NMNAT3: variants seen among roughly 807,000 people sequenced by gnomAD.
NMNAT3 encodes the protein nicotinamide nucleotide adenylyltransferase 3.
A neutral mutation model predicts 24.8 loss-of-function variants in NMNAT3; 21 were observed. That is an observed-to-expected ratio of 0.85 (90% CI 0.60 to 1.22). The LOEUF (loss-of-function observed/expected upper bound fraction) is 1.22, where lower values mean the gene tolerates loss of function less well. Ranked by LOEUF, NMNAT3 falls within the 50% of genes most tolerant of loss-of-function variation. The probability of loss-of-function intolerance (pLI) is 0.00; values close to 1 mark genes in which losing one functional copy is unlikely to be tolerated. For synonymous variants in NMNAT3, 136 were observed against 155.2 expected, an observed-to-expected ratio of 0.88 and a Z score of 0.92; for missense variants, 387 against 436.6, an observed-to-expected ratio of 0.89 and a Z score of 1.01.
At chr3:139,588,760 G>A (rs1222071915) in intron 3 of NMNAT3, among the ~76,000 whole-genome samples, 1 of 152,166 alleles carries the variant, frequency 6.6e-6, no homozygotes, top group Non-Finnish European at 1.5e-5. Flanking sequence ...TCTACTTTCT[G>A]CCTGGGTTGG....
chr3:139,599,425 G>A (rs1270994849), intron 3 of NMNAT3: 9 of 702,188 alleles, frequency 1.3e-5, no homozygotes, highest in Admixed American at 8.0e-5. Flanking sequence ...GGTTGTGTTG[G>A]CTGAAGTGCA....
At chr3:139,648,605 T>C (rs910052275) in intron 1 of NMNAT3, among the ~76,000 whole-genome samples, 3 of 152,228 alleles carry the variant, frequency 2.0e-5, no homozygotes, top group Admixed American at 6.5e-5. Context: ...TGTGTAGGCA[T>C]GTACATGTGT....
chr3:139,628,083 A>G (rs1205360666), intron 2 of NMNAT3, among the ~76,000 whole-genome samples: 1 of 152,152 alleles, frequency 6.6e-6, no homozygotes, highest in African/African-American at 2.4e-5. Flanking sequence ...CTGAACCTCT[A>G]TATCCTCCTT....
intron 3 of NMNAT3, among the ~76,000 whole-genome samples, chr3:139,601,760 T>C (rs560668045): frequency 2.1e-4 from 32 of 152,260 alleles, no homozygotes; most frequent in African/African-American, 7.0e-4. Context: ...TAGTCACTGC[T>C]GGGCAGAAAC....
At chr3:139,634,056 A>G (rs899709387) in intron 2 of NMNAT3, among the ~76,000 whole-genome samples, 9 of 152,138 alleles carry the variant, frequency 5.9e-5, no homozygotes, top group Non-Finnish European at 1.3e-4. Context: ...GCCTGCTCAC[A>G]TCTCACTTGG....
intron 3 of NMNAT3, among the ~76,000 whole-genome samples, chr3:139,585,672 G>T (rs1553742410): frequency 6.6e-6 from 1 of 152,170 alleles, no homozygotes; most frequent in Non-Finnish European, 1.5e-5. Context: ...CCTGGCTTGA[G>T]TTTTTTTGGC....
In NMNAT3 at chr3:139,578,979, A is replaced by G; in HGVS notation, c.468T>C (p.His156=). The G allele has an allele frequency of 6.2e-7, 1 of 1,614,210 alleles. No homozygotes were observed. Among genetic ancestry groups the G allele is most frequent in the Non-Finnish European group, 8.5e-7 (1 of 1,180,034 alleles). ...CCAGCCGGGCCATGGCCACTCGGTG[A>G]TGAGAAGCTGCGAGGTCTTTCTTCC... The change falls in exon 5 of 7, where the codon CAT becomes CAC. Residue 156 remains histidine, a synonymous_variant. Coordinates refer to ENST00000643695, the MANE Select transcript of NMNAT3 (RefSeq NM_001320510.2).
chr3:139,654,653 A>T (rs960535276), intron 1 of NMNAT3, among the ~76,000 whole-genome samples: 5 of 152,254 alleles, frequency 3.3e-5, no homozygotes, highest in African/African-American at 1.2e-4. Context: ...GCCTATCACA[A>T]AAATGAACAC....
intron 1 of NMNAT3, among the ~76,000 whole-genome samples, chr3:139,677,047 A>G (rs1178185137): frequency 6.6e-6 from 1 of 152,102 alleles, no homozygotes; most frequent in Non-Finnish European, 1.5e-5. Flanking sequence ...GGCCAGCCCC[A>G]CCAACCCTCC....
At chr3:139,583,352 A>G in intron 3 of NMNAT3, 1 of 1,485,798 alleles carries the variant, frequency 6.7e-7, no homozygotes, top group African/African-American at 1.4e-5. Flanking sequence ...AATCTGTTCA[A>G]TAGGTACATT....
intron 6 of NMNAT3, chr3:139,565,705 TG>T (rs1350671613): frequency 6.6e-6 from 1 of 152,244 alleles, no homozygotes; most frequent in Non-Finnish European, 1.5e-5. Flanking sequence ...TCATTTTCTA[TG>T]GCTGCATAGA....
chr3:139,638,565 G>A (rs1191282504), intron 1 of NMNAT3, among the ~76,000 whole-genome samples: 1 of 152,218 alleles, frequency 6.6e-6, no homozygotes, highest in East Asian at 1.9e-4. Flanking sequence ...GCAGCCATGT[G>A]GCTCATCTCC....
At chr3:139,606,193 A>G (rs985668709) in intron 3 of NMNAT3, among the ~76,000 whole-genome samples, 5 of 152,154 alleles carry the variant, frequency 3.3e-5, no homozygotes, top group African/African-American at 1.2e-4. Flanking sequence ...CCACAGTTCA[A>G]TCGAGGATCT....
intron 6 of NMNAT3, chr3:139,570,231 G>T (rs1419817398): frequency 6.6e-6 from 1 of 152,118 alleles, no homozygotes; most frequent in East Asian, 1.9e-4. Flanking sequence ...GGTTATTCTA[G>T]TTATCCATTC....
chr3:139,638,747 G>A (rs1212851431), intron 1 of NMNAT3, among the ~76,000 whole-genome samples: 3 of 152,070 alleles, frequency 2.0e-5, no homozygotes, highest in African/African-American at 4.8e-5. Flanking sequence ...CATCCTCTGC[G>A]TAGCTGCCCA....
At chr3:139,644,922 G>T (rs547148165) in intron 1 of NMNAT3, among the ~76,000 whole-genome samples, 1 of 152,256 alleles carries the variant, frequency 6.6e-6, no homozygotes, top group African/African-American at 2.4e-5. Flanking sequence ...TACAGCTCGC[G>T]GCCGGGAGTG....
At chr3:139,584,708 A>T (rs183799680) in intron 3 of NMNAT3, among the ~76,000 whole-genome samples, 1 of 152,312 alleles carries the variant, frequency 6.6e-6, no homozygotes, top group African/African-American at 2.4e-5. Context: ...CAATCTTGTG[A>T]AATGTGTTGA....
chr3:139,585,309 T>G (rs996799831), intron 3 of NMNAT3, among the ~76,000 whole-genome samples: 3 of 152,180 alleles, frequency 2.0e-5, no homozygotes, highest in Non-Finnish European at 4.4e-5. Flanking sequence ...TCAATGAACT[T>G]TTAATTTTGT....
chr3:139,626,264 A>G (rs1022456089), intron 3 of NMNAT3, among the ~76,000 whole-genome samples: 6 of 152,006 alleles, frequency 3.9e-5, no homozygotes, highest in Non-Finnish European at 8.8e-5. Context: ...AGCTGCTTCA[A>G]GTTTTCCCGT....
Sources: allele counts gnomAD v4.1 joint callset (sites outside exome capture counted in the v4.1 genomes callset), GRCh38; gene constraint gnomAD v4.1.1; transcripts MANE v1.5; gene names NCBI Gene and HGNC (gene_info 2026-07-23, HGNC 2026-07-21).